TRPC4AP: variants seen among roughly 807,000 people sequenced by gnomAD.
TRPC4AP encodes the protein transient receptor potential cation channel subfamily C member 4 associated protein.
Under a neutral mutation model 99.0 loss-of-function variants are expected in TRPC4AP, and 45 were observed. The ratio of observed to expected loss-of-function variants is 0.45; its 90% CI spans 0.36 to 0.58. The LOEUF is 0.58. Among genes scored for constraint, TRPC4AP ranks in the 20% least tolerant of loss-of-function variants. The pLI, the probability that TRPC4AP is intolerant of heterozygous loss-of-function variation, is 0.00. For missense variants in TRPC4AP, 879 were observed against 985.3 expected, an observed-to-expected ratio of 0.89 and a Z score of 1.44; for synonymous variants, 408 against 385.8, an observed-to-expected ratio of 1.06 and a Z score of -0.67.
intron 3 of TRPC4AP, among the ~76,000 whole-genome samples, chr20:35,058,687 CTTT>C (rs71196781): frequency 3.6e-5 from 4 of 110,352 alleles, no homozygotes; most frequent in South Asian, 3.0e-4. Context: ...AAAGAAAATT[CTTT>C]TTTTTTTTTT....
intron 9 of TRPC4AP, among the ~76,000 whole-genome samples, chr20:35,017,096 C>T (rs1451192363): frequency 6.6e-6 from 1 of 152,146 alleles, no homozygotes; most frequent in East Asian, 1.9e-4. Context: ...TATATATTTA[C>T]AACACTACTC....
intron 8 of TRPC4AP, among the ~76,000 whole-genome samples, chr20:35,025,603 G>T (rs1460421949): frequency 1.3e-5 from 2 of 152,048 alleles, no homozygotes; most frequent in South Asian, 4.2e-4. Flanking sequence ...TTTGAAATGG[G>T]TTTTTTTATT....
At chr20:35,071,372 G>A (rs978674922) in intron 2 of TRPC4AP, among the ~76,000 whole-genome samples, 5 of 151,710 alleles carry the variant, frequency 3.3e-5, no homozygotes, top group African/African-American at 9.7e-5. Context: ...ATGTTGGTGC[G>A]CTGTACCCAT....
chr20:35,017,485 G>GGCTATT (rs2082781279), intron 9 of TRPC4AP, among the ~76,000 whole-genome samples: 1 of 152,154 alleles, frequency 6.6e-6, no homozygotes, highest in Non-Finnish European at 1.5e-5. Flanking sequence ...TATAACATAA[G>GGCTATT]GCTATTACTA....
chr20:35,032,530 G>A (rs1234099805), intron 8 of TRPC4AP, among the ~76,000 whole-genome samples: 2 of 139,744 alleles, frequency 1.4e-5, no homozygotes, highest in East Asian at 2.1e-4. Context: ...GAAATGCAGT[G>A]GCAGGATCTC....
At chr20:35,051,495 C>T (rs2083699608) in intron 5 of TRPC4AP, among the ~76,000 whole-genome samples, 1 of 151,530 alleles carries the variant, frequency 6.6e-6, no homozygotes, top group South Asian at 2.1e-4. Flanking sequence ...AAAGTGAAGG[C>T]ATCAATAAAG....
rs184368303 is a variant in TRPC4AP at position 35,008,705 on chromosome 20, C to T, written c.1554G>A (p.Leu518=). The T allele has an allele frequency of 5.7e-4, 927 of 1,614,080 alleles. 8 individuals carry two copies. The Middle Eastern group carries it at 0.011, about 19-fold the overall frequency. ...CDGKRGLLTR[L]LQVMKKEPAE... ...CTGGCTCCTTCTTCATGACCTGCAG[C>T]AGACGAGTTAATAAGCCCCTCTTCC... The change falls in exon 13 of 19, where the codon CTG becomes CTA. Residue 518 remains leucine (L), a synonymous_variant. Coordinates refer to ENST00000252015, the MANE Select transcript of TRPC4AP (RefSeq NM_015638.3).
Position 35,044,674 on chromosome 20 carries a change from G to A in TRPC4AP, c.696C>T (p.Ser232=), listed in dbSNP as rs2083518660. The A allele has an allele frequency of 1.2e-6, 2 of 1,614,170 alleles. No homozygotes were observed. Among genetic ancestry groups the A allele is most frequent in the African/African-American group, 2.7e-5 (2 of 75,034 alleles). The stretch of plus-strand genomic sequence containing the variant: ...GCTGCTGATCGAAATTGGATACTAA[G>A]GAACTCAGATTGGGGACTTCATCTA... ...IRLDEVPNLS[S]LVSNFDQQQL... Residue 232 remains serine, a synonymous_variant, in exon 7 of 19, where the codon TCC becomes TCT. Transcript: ENST00000252015.
In TRPC4AP at chr20:35,002,970, G is replaced by A; in HGVS notation, c.*176C>T. ...GGACTGAGGCTCTCCATGACCTAGG[G>A]CCCTCAGACCCAGGGGGACCAAGGG... is the stretch of plus-strand genomic sequence containing the variant. On this transcript the variant is annotated 3_prime_UTR_variant, in exon 19 of 19. Coordinates refer to ENST00000252015, the MANE Select transcript of TRPC4AP (RefSeq NM_015638.3). 1.3e-6 allele frequency: 1 copy of A among 784,182 alleles called. No individual in the cohort carries two copies. The highest frequency in any genetic ancestry group is 2.7e-5 in the East Asian group (1 of 37,186). 48.6% of individuals were successfully genotyped at this position (784,182 alleles called of 1,614,324 possible).
chr20:35,067,674 C>A, intron 3 of TRPC4AP, among the ~76,000 whole-genome samples: 1 of 152,224 alleles, frequency 6.6e-6, no homozygotes, highest in South Asian at 2.1e-4. Context: ...CATCATTTGA[C>A]CATAAAAATG....
At chr20:35,010,987 G>A (rs866275066) in intron 11 of TRPC4AP, among the ~76,000 whole-genome samples, 17 of 152,302 alleles carry the variant, frequency 1.1e-4, no homozygotes, top group African/African-American at 3.8e-4. Flanking sequence ...GAGGCCGGGC[G>A]CGGTGGTTCA....
At chr20:35,086,335 T>C (rs1197934327) in intron 1 of TRPC4AP, among the ~76,000 whole-genome samples, 2 of 151,944 alleles carry the variant, frequency 1.3e-5, no homozygotes, top group African/African-American at 2.4e-5. Context: ...AACCACTGAA[T>C]ACTTTTGTGT....
chr20:35,019,119 A>G (rs2082826281), intron 9 of TRPC4AP, among the ~76,000 whole-genome samples: 2 of 152,180 alleles, frequency 1.3e-5, no homozygotes, highest in Admixed American at 6.5e-5. Context: ...AGGCCTCTTT[A>G]AGGAGGAAGC....
At chr20:35,011,456 A>T (rs2082633572) in intron 11 of TRPC4AP, among the ~76,000 whole-genome samples, 1 of 152,108 alleles carries the variant, frequency 6.6e-6, no homozygotes, top group Non-Finnish European at 1.5e-5. Context: ...ATTTTTCTTG[A>T]AATACATTCT....
At chr20:35,061,742 A>G (rs2084014136) in intron 3 of TRPC4AP, among the ~76,000 whole-genome samples, 2 of 152,246 alleles carry the variant, frequency 1.3e-5, no homozygotes, top group Non-Finnish European at 2.9e-5. Context: ...TGTAAGATAC[A>G]AAATATAAAA....
rs115724902 is a variant in TRPC4AP at position 35,062,945 on chromosome 20, G to A, written c.415-5374C>T. On this transcript the variant is annotated intron_variant, in intron 3 of 18. Coordinates refer to ENST00000252015, the MANE Select transcript of TRPC4AP (RefSeq NM_015638.3). ...AGACATAAAAAGCCACACAGTGGAC[G>A]ATTCTGTTGATATGAAATATCCGTA... 5.2e-3 allele frequency among the ~76,000 whole-genome samples: 799 copies of A among 152,318 alleles called. 5 individuals carry two copies. Among genetic ancestry groups the A allele is most frequent in the African/African-American group, 0.017 (710 of 41,572 alleles).
At chr20:35,024,854 A>AAAAAACAAAAAACAT (rs1479270980) in intron 8 of TRPC4AP, among the ~76,000 whole-genome samples, 3 of 89,480 alleles carry the variant, frequency 3.4e-5, no homozygotes, top group Non-Finnish European at 6.9e-5. Flanking sequence ...AAAAAAAAAA[A>AAAAAACAAAAAACAT]ATTCTGTTTA....
At chr20:35,059,485 C>A (rs2083922672) in intron 3 of TRPC4AP, among the ~76,000 whole-genome samples, 1 of 152,054 alleles carries the variant, frequency 6.6e-6, no homozygotes, top group Admixed American at 6.6e-5. Flanking sequence ...CACAGCAAGA[C>A]CCCATGTCTC....
rs113596363 is a variant in TRPC4AP at position 35,028,330 on chromosome 20, C to T, written c.1051+6793G>A. 1.5e-4 allele frequency among the ~76,000 whole-genome samples: 23 copies of T among 151,726 alleles called. 1 individual carries two copies. Among genetic ancestry groups the T allele is most frequent in the African/African-American group, 1.2e-4 (5 of 41,364 alleles). On this transcript the variant is annotated intron_variant, in intron 8 of 18. Coordinates refer to ENST00000252015, the MANE Select transcript of TRPC4AP (RefSeq NM_015638.3). ...CCTGCCTGGACCTCCTGACCTTAAG[C>T]GACCCGCCTCCTCGGCCTCCCAAAG...
Sources: allele counts gnomAD v4.1 joint callset (sites outside exome capture counted in the v4.1 genomes callset), GRCh38; gene constraint gnomAD v4.1.1; transcripts MANE v1.5; gene names NCBI Gene and HGNC (gene_info 2026-07-23, HGNC 2026-07-21).